Variants in TEKTIP1 observed in about 807,000 individuals in gnomAD.
The protein encoded by TEKTIP1 is tektin bundle interacting protein 1, also known as tektin bundle-interacting protein 1.
At chr19:3,539,512 C>A in the TEKTIP1 span, 12 of 504,392 alleles carry the variant, frequency 2.4e-5, no homozygotes, top group Admixed American at 2.6e-4. Flanking sequence ...TGCAAACGCA[C>A]TGGGAGCTTC....
At chr19:3,540,046 G>A in the TEKTIP1 span, 7 of 149,340 alleles carry the variant, frequency 4.7e-5, no homozygotes, top group African/African-American at 1.7e-4. Flanking sequence ...GAGCCCAGGA[G>A]TTCAAGACCA....
the TEKTIP1 span, chr19:3,543,230 C>T: frequency 1.9e-6 from 3 of 1,541,990 alleles, no homozygotes; most frequent in Non-Finnish European, 1.7e-6. Context: ...CCTGCCCACC[C>T]TCAGCGATGA....
At chr19:3,541,515 G>T in the TEKTIP1 span, 1 of 239,668 alleles carries the variant, frequency 4.2e-6, no homozygotes, top group Non-Finnish European at 6.7e-6. Context: ...TAGAGACAGT[G>T]TTTCACCATG....
the TEKTIP1 span, chr19:3,543,297 G>A: frequency 5.2e-5 from 80 of 1,548,764 alleles, no homozygotes; most frequent in South Asian, 9.2e-4. Context: ...GCCACACGCT[G>A]GAAGTACACG....
chr19:3,542,975 A>G, the TEKTIP1 span: 1 of 1,560,732 alleles, frequency 6.4e-7, no homozygotes, highest in Non-Finnish European at 8.7e-7. Flanking sequence ...CAGGCAAGAA[A>G]AGCTGAGAAC....
At chr19:3,543,953 A>G in the TEKTIP1 span, 10 of 1,550,126 alleles carry the variant, frequency 6.5e-6, no homozygotes, top group Non-Finnish European at 8.7e-6. Flanking sequence ...TCCTGGAACC[A>G]TACTGCCCCT....
the TEKTIP1 span, chr19:3,542,291 G>A: frequency 5.9e-4 from 578 of 985,392 alleles, no homozygotes; most frequent in Non-Finnish European, 6.6e-4. Flanking sequence ...GCACCTGGGA[G>A]TCTAGTCAGG....
At chr19:3,543,491 C>T in the TEKTIP1 span, 35 of 1,515,998 alleles carry the variant, frequency 2.3e-5, no homozygotes, top group Middle Eastern at 2.3e-4. Context: ...CCCCCCCCCC[C>T]GCCCTGGGCA....
At chr19:3,542,453 A>G in the TEKTIP1 span, 1 of 985,212 alleles carries the variant, frequency 1.0e-6, no homozygotes, top group Admixed American at 6.1e-5. Flanking sequence ...GCAAGGTCAA[A>G]GCATAAAACA....
At chr19:3,542,257 C>G in the TEKTIP1 span, 6 of 985,258 alleles carry the variant, frequency 6.1e-6, no homozygotes, top group Non-Finnish European at 7.2e-6. Context: ...CTGTAACTGA[C>G]CAGGCTACTC....
chr19:3,543,859 C>T, the TEKTIP1 span: 1 of 1,547,522 alleles, frequency 6.5e-7, no homozygotes, highest in Non-Finnish European at 8.7e-7. Context: ...GGGGTGGAGC[C>T]ACTGTGGAGG....
chr19:3,539,811 G>A, the TEKTIP1 span: 2 of 154,084 alleles, frequency 1.3e-5, no homozygotes, highest in South Asian at 4.1e-4. Flanking sequence ...GCCATGTCCT[G>A]AGGCTCTGGG....
the TEKTIP1 span, chr19:3,543,747 A>G: frequency 1.3e-6 from 2 of 1,492,586 alleles, no homozygotes; most frequent in Non-Finnish European, 9.0e-7. Context: ...CCAGGGTGAA[A>G]CTGCCCGGGG....
the TEKTIP1 span, chr19:3,542,318 T>A: frequency 3.4e-4 from 336 of 985,418 alleles, no homozygotes; most frequent in African/African-American, 5.7e-3. Context: ...GCAGAGTTCC[T>A]GCCATGAGAG....
the TEKTIP1 span, chr19:3,539,813 G>A: frequency 1.3e-5 from 2 of 153,884 alleles, no homozygotes; most frequent in Non-Finnish European, 2.9e-5. Flanking sequence ...CATGTCCTGA[G>A]GCTCTGGGCA....
chr19:3,540,536 G>T, the TEKTIP1 span, among the ~76,000 whole-genome samples: 9 of 151,488 alleles, frequency 5.9e-5, no homozygotes, highest in African/African-American at 1.9e-4. Flanking sequence ...GATTACAGGC[G>T]TGAGGCACCG....
At chr19:3,541,940 G>C in the TEKTIP1 span, 2 of 460,998 alleles carry the variant, frequency 4.3e-6, no homozygotes, top group Non-Finnish European at 5.7e-6. Context: ...TTCCCGAGTA[G>C]CTGGGACCAC....
the TEKTIP1 span, among the ~76,000 whole-genome samples, chr19:3,541,376 G>C: frequency 6.6e-6 from 1 of 150,808 alleles, no homozygotes; most frequent in Non-Finnish European, 1.5e-5. Flanking sequence ...AGGCTGGAGT[G>C]CAGTGGAATG....
At chr19:3,543,216 GC>G in the TEKTIP1 span, 1 of 1,538,352 alleles carries the variant, frequency 6.5e-7, no homozygotes. Context: ...CTCAGTCTCT[GC>G]CCCCTGCCCA....
Sources: gnomAD v4.1 joint callset for allele counts (sites outside exome capture counted in the v4.1 genomes callset) on GRCh38, gnomAD v4.1.1 for gene constraint, MANE v1.5 for transcripts, NCBI Gene and HGNC (gene_info 2026-07-23, HGNC 2026-07-21) for gene names.